UNC13A: variants seen among roughly 807,000 people sequenced by gnomAD.
UNC13A encodes the protein protein unc-13 homolog A.
UNC13A carries 61 observed loss-of-function variants against 219.7 expected under a neutral mutation model. The ratio of observed to expected loss-of-function variants is 0.28; its 90% CI spans 0.23 to 0.34. UNC13A has a LOEUF of 0.34. UNC13A is among the 10% of genes least tolerant of loss of function. The pLI is 1.00. For missense variants in UNC13A, 1,476 were observed against 2,270.3 expected, an observed-to-expected ratio of 0.65 and a Z score of 7.11; for synonymous variants, 920 against 884.6, an observed-to-expected ratio of 1.04 and a Z score of -0.71.
chr19:17,680,893 T>C (rs555482344), intron 1 of UNC13A, among the ~76,000 whole-genome samples: 116 of 88,162 alleles, frequency 1.3e-3, no homozygotes, highest in African/African-American at 5.5e-3. Context: ...TCTTTTCTTT[T>C]TTTTTTTTTT....
In UNC13A at chr19:17,617,857, G is replaced by A; in HGVS notation, c.4411-8C>T. The A allele has an allele frequency of 1.9e-6, 3 of 1,613,672 alleles. No individual in the cohort carries two copies. Among genetic ancestry groups the A allele is most frequent in the Non-Finnish European group, 2.5e-6 (3 of 1,179,794 alleles). On this transcript the variant is annotated splice_polypyrimidine_tract_variant and splice_region_variant and intron_variant, in intron 40 of 43. Transcript: ENST00000519716. ...ACCCGCGTGGAAATATTGCTGGGGA[G>A]GACAGGGTGGGGAGAGGTGAGGATG...
chr19:17,628,986 G>A (rs534062250), intron 31 of UNC13A, among the ~76,000 whole-genome samples: 2 of 151,980 alleles, frequency 1.3e-5, no homozygotes, highest in South Asian at 4.2e-4. Flanking sequence ...CACACACGCA[G>A]AGTATACCAG....
intron 11 of UNC13A, among the ~76,000 whole-genome samples, chr19:17,653,345 T>TTTTG (rs1555782139): frequency 6.6e-6 from 1 of 150,526 alleles, no homozygotes; most frequent in African/African-American, 2.4e-5. Flanking sequence ...TATATATATA[T>TTTTG]TTTGTTTGTT....
At chr19:17,633,303 G>A in intron 26 of UNC13A, 110 bp from the exon 27 acceptor site, 4 of 1,038,262 alleles carry the variant, frequency 3.9e-6, no homozygotes, top group Non-Finnish European at 5.8e-6. Flanking sequence ...AGAGGGATTT[G>A]GGTTCAGGTT....
chr19:17,658,282 G>A lies in UNC13A; in HGVS notation c.560-13C>T. 1 of 1,605,836 alleles carries A rather than the reference G, an allele frequency of 6.2e-7. No individual in the cohort carries two copies. The highest frequency in any genetic ancestry group is 8.5e-7 in the Non-Finnish European group (1 of 1,175,944). On this transcript the variant is annotated splice_polypyrimidine_tract_variant and intron_variant, in intron 8 of 43. Coordinates refer to ENST00000519716, the MANE Select transcript of UNC13A (RefSeq NM_001080421.3). ...TCGGGGTCATCGTCTGGAAGAGAGA[G>A]GCGGTATGGGAAGAGGGTGAGGAAG...
At chr19:17,611,686 A>C in intron 42 of UNC13A, 77 bp downstream of exon 42, 1 of 1,313,444 alleles carries the variant, frequency 7.6e-7, no homozygotes, top group South Asian at 1.3e-5. Context: ...CAACAAAAAA[A>C]GGGTGTTGCT....
rs757184671 is a variant in UNC13A at position 17,633,091 on chromosome 19, T to C, written c.3301+17A>G. 6.2e-7 allele frequency: 1 copy of C among 1,613,706 alleles called. No individual in the cohort carries two copies. On this transcript the variant is annotated intron_variant, in intron 27 of 43. Coordinates refer to ENST00000519716, the MANE Select transcript of UNC13A (RefSeq NM_001080421.3). Reference sequence around the variant, plus strand: ...CTGGTGTGGCCAGGCTGGGGAACACTGGGGTGGGAAACTCACCCTCCATGG... The same window carrying C: ...CTGGTGTGGCCAGGCTGGGGAACACCGGGGTGGGAAACTCACCCTCCATGG...
intron 28 of UNC13A, among the ~76,000 whole-genome samples, chr19:17,631,674 C>T (rs113390605): frequency 3.2e-4 from 48 of 152,294 alleles, no homozygotes; most frequent in African/African-American, 1.1e-3. Context: ...GTTCAAATCT[C>T]GGGTCTGTCA....
At chr19:17,651,842 G>T (rs1488405633) in intron 12 of UNC13A, among the ~76,000 whole-genome samples, 1 of 152,092 alleles carries the variant, frequency 6.6e-6, no homozygotes, top group East Asian at 1.9e-4. Flanking sequence ...TACAAGGAAG[G>T]TCACTATCGT....
At chr19:17,657,437 G>T (rs534212612) in intron 9 of UNC13A, among the ~76,000 whole-genome samples, 1 of 152,140 alleles carries the variant, frequency 6.6e-6, no homozygotes, top group African/African-American at 2.4e-5. Flanking sequence ...TCTGTTATGT[G>T]CTGCTTATGT....
At chr19:17,617,937 A>G (rs999673592) in intron 40 of UNC13A, 88 bp from the exon 41 acceptor site, 2 of 1,518,622 alleles carry the variant, frequency 1.3e-6, no homozygotes, top group East Asian at 2.3e-5. Flanking sequence ...CCCACTCCCA[A>G]TTCTTCCCGC....
At chr19:17,651,057 C>T (rs1275859960) in intron 12 of UNC13A, among the ~76,000 whole-genome samples, 1 of 151,800 alleles carries the variant, frequency 6.6e-6, no homozygotes, top group Non-Finnish European at 1.5e-5. Context: ...CCTATCTCAG[C>T]CTCCCAAGTA....
chr19:17,662,647 G>A (rs1026811498), intron 8 of UNC13A, among the ~76,000 whole-genome samples: 6 of 152,146 alleles, frequency 3.9e-5, no homozygotes, highest in African/African-American at 1.4e-4. Context: ...AGGGCCAGGT[G>A]CCATGGCTCA....
intron 31 of UNC13A, chr19:17,628,150 AAGG>A: frequency 1.7e-6 from 1 of 590,192 alleles, no homozygotes; most frequent in Non-Finnish European, 3.0e-6. Flanking sequence ...TGGTGGGGGC[AAGG>A]AGGACTCAAG....
chr19:17,606,068 C>CT lies in UNC13A; in HGVS notation c.5097_5098insA (p.Ala1700SerfsTer87). ...GACCGCCCGCGCTAAGGCGCAGGCG[C>CT]GGCACCGCCCTCCTCGGCGGAGCGC... On this transcript the variant is annotated frameshift_variant, in exon 44 of 44. Coordinates refer to ENST00000519716, the MANE Select transcript of UNC13A (RefSeq NM_001080421.3). LOFTEE classifies it high-confidence loss of function. 1 of 1,571,106 alleles carries CT rather than the reference C, an allele frequency of 6.4e-7. No individual in the cohort carries two copies. The highest frequency in any genetic ancestry group is 8.6e-7 in the Non-Finnish European group (1 of 1,162,856).
intron 41 of UNC13A, among the ~76,000 whole-genome samples, chr19:17,615,100 C>T (rs987511683): frequency 1.3e-5 from 2 of 152,226 alleles, no homozygotes; most frequent in East Asian, 1.9e-4. Flanking sequence ...GAAGGTTCCT[C>T]GGACAAGTGG....
In UNC13A at chr19:17,604,045, T is replaced by G. The variant is rs1162449274; in HGVS notation, c.*2009A>C. On this transcript the variant is annotated 3_prime_UTR_variant, in exon 44 of 44. Transcript: ENST00000519716. ...CAGGCTGGTCTCAAACTCCTGACCT[T>G]AAGTGATCTGCCAGCCTCGGTCTCC... 1 of 152,326 alleles carries G rather than the reference T, an allele frequency of 6.6e-6. No individual in the cohort carries two copies. The highest frequency in any genetic ancestry group is 2.1e-4 in the South Asian group (1 of 4,824). 9.4% of individuals were successfully genotyped at this position (152,326 alleles called of 1,614,324 possible).
At chr19:17,677,693 C>T (rs1484929307) in intron 1 of UNC13A, among the ~76,000 whole-genome samples, 1 of 152,038 alleles carries the variant, frequency 6.6e-6, no homozygotes, top group Non-Finnish European at 1.5e-5. Flanking sequence ...CTTTTCTTCT[C>T]CCCTTTTCCT....
In UNC13A at chr19:17,629,259, G is replaced by A. The variant is rs934648696; in HGVS notation, c.3734C>T (p.Ser1245Phe). Reference sequence around the variant, plus strand: ...GGTCACCACTTTCTCCTTCTCCTTGGAGCAGTAGGAGGCAAAGTCCTTGGA... The same window carrying A: ...GGTCACCACTTTCTCCTTCTCCTTGAAGCAGTAGGAGGCAAAGTCCTTGGA... ...IISKDFASYC[S>F]KEKEKVPCIL... is the part of the protein sequence containing the mutation. The change falls in exon 31 of 44, where the codon TCC (serine) becomes TTC (phenylalanine). Residue 1245 changes from serine to phenylalanine, a missense_variant. Coordinates refer to ENST00000519716, the MANE Select transcript of UNC13A (RefSeq NM_001080421.3). 1.2e-6 allele frequency: 2 copies of A among 1,611,408 alleles called. No homozygotes were observed. The highest frequency in any genetic ancestry group is 1.7e-6 in the Non-Finnish European group (2 of 1,179,026).
Sources: allele counts gnomAD v4.1 joint callset (sites outside exome capture counted in the v4.1 genomes callset), GRCh38; gene constraint gnomAD v4.1.1; transcripts MANE v1.5; gene names NCBI Gene and HGNC (gene_info 2026-07-23, HGNC 2026-07-21).